Variants in TSTD1 observed in about 807,000 individuals in gnomAD.
The protein encoded by TSTD1 is thiosulfate sulfurtransferase like domain containing 1.
TSTD1 carries 7 observed loss-of-function variants against 12.6 expected under a neutral mutation model. The observed-to-expected ratio is 0.55, with a 90% CI of 0.32 to 1.04. The LOEUF (loss-of-function observed/expected upper bound fraction) is 1.04. Among genes scored for constraint, TSTD1 ranks in the 50% least tolerant of loss-of-function variants. The probability of loss-of-function intolerance (pLI) is 0.05; values close to 1 mark genes in which losing one functional copy is unlikely to be tolerated. For missense variants in TSTD1, 156 were observed against 151.0 expected, an observed-to-expected ratio of 1.03 and a Z score of -0.17; for synonymous variants, 73 against 59.7, an observed-to-expected ratio of 1.22 and a Z score of -1.03.
chr1:161,038,022 A>G lies in TSTD1; in HGVS notation c.187T>C (p.Tyr63His). Reference sequence around the variant, plus strand: ...TCCAGCTTTGGCTTCTCAGCAGAATATAAAGCCTGGAAGGCAGCTGGCTCC... The same window carrying G: ...TCCAGCTTTGGCTTCTCAGCAGAATGTAAAGCCTGGAAGGCAGCTGGCTCC... ...QMEPAAFQAL[Y>H]SAEKPKLEDE... is the part of the protein sequence containing the mutation. Residue 63 changes from tyrosine (Y) to histidine (H), a missense_variant, in exon 3 of 4, where the codon TAT (tyrosine) becomes CAT (histidine). By Grantham distance (83) the Tyr-to-His change is moderately conservative. Coordinates refer to ENST00000423014, the MANE Select transcript of TSTD1 (RefSeq NM_001113207.2). The G allele has an allele frequency of 1.9e-6, 3 of 1,551,720 alleles. No homozygotes were observed. In the South Asian group the frequency reaches 3.6e-5, roughly 18 times the overall value.
At position 161,037,726 on chromosome 1, in the gene TSTD1, G is replaced by C; in HGVS notation, c.*49C>G. The C allele has an allele frequency of 6.5e-7, 1 of 1,543,802 alleles. No homozygotes were observed. Among genetic ancestry groups the C allele is most frequent in the Non-Finnish European group, 8.8e-7 (1 of 1,139,926 alleles). On this transcript the variant is annotated 3_prime_UTR_variant, in exon 4 of 4. Coordinates refer to ENST00000423014, the MANE Select transcript of TSTD1 (RefSeq NM_001113207.2). ...TCAGCCCGTTCACACCCTTAGTTAA[G>C]GTGGCCATTAAGGGGCCAGGGGGTG...
At chr1:161,038,278 C>T in intron 2 of TSTD1, 1 of 681,894 alleles carries the variant, frequency 1.5e-6, no homozygotes, top group Non-Finnish European at 2.4e-6. Flanking sequence ...GGGCGGGATG[C>T]CCCCTCAGGC....
intron 2 of TSTD1, 164 bp downstream of exon 2, chr1:161,038,386 GC>G (rs1322499674): frequency 2.3e-6 from 2 of 870,676 alleles, no homozygotes; most frequent in Admixed American, 3.0e-5. Context: ...GCCAAGATCC[GC>G]CCCCCATCAG....
rs371114260 is a variant in TSTD1, at chr1:161,038,552, C to A, written c.132G>T (p.Pro44=). 3.2e-6 allele frequency: 5 copies of A among 1,540,942 alleles called. No individual in the cohort carries two copies. Among genetic ancestry groups the A allele is most frequent in the Non-Finnish European group, 3.5e-6 (4 of 1,138,698 alleles). The change falls in exon 2 of 4, where the codon CCG becomes CCT. Residue 44 remains proline (P), a splice_region_variant and synonymous_variant. Transcript: ENST00000423014. ...GGGCGTCCCCTCTCCACCCTATACC[C>A]GGGATGTTGAGCGCCCCTGGGATGG... The part of the protein sequence containing the change: ...AGTIPGALNI[P]VSELESALQM...
intron 3 of TSTD1, 40 bp from the exon 4 acceptor site, chr1:161,037,866 C>T (rs1318967282): frequency 6.4e-7 from 1 of 1,551,798 alleles, no homozygotes; most frequent in Non-Finnish European, 8.7e-7. Flanking sequence ...ACAGGAATGA[C>T]AGGCAGTCCC....
chr1:161,038,944 C>G lies in TSTD1; in HGVS notation c.-55G>C. The G allele has an allele frequency of 6.5e-7, 1 of 1,547,308 alleles. No individual in the cohort carries two copies. The highest frequency in any genetic ancestry group is 8.7e-7 in the Non-Finnish European group (1 of 1,143,640). On this transcript the variant is annotated 5_prime_UTR_variant, in exon 1 of 4. Transcript: ENST00000423014. ...GTGCGGCCCTGGCCCGCCCTCTCGG[C>G]GCCTGCAACATCTCCCGTTCCCTCC...
At chr1:161,038,457 C>T in intron 2 of TSTD1, 94 bp downstream of exon 2, 1 of 1,388,548 alleles carries the variant, frequency 7.2e-7, no homozygotes, top group Non-Finnish European at 9.6e-7. Context: ...TAATCAGTGC[C>T]TTCCCCATTC....
intron 2 of TSTD1, 180 bp from the exon 3 acceptor site, chr1:161,038,255 C>T (rs1650311173): frequency 1.4e-6 from 1 of 722,970 alleles, no homozygotes; most frequent in Non-Finnish European, 2.2e-6. Context: ...ACTCCCTAAG[C>T]TGTGAGGAGG....
intron 2 of TSTD1, 21 bp from the exon 3 acceptor site, chr1:161,038,096 G>A: frequency 6.5e-7 from 1 of 1,545,884 alleles, no homozygotes; most frequent in African/African-American, 1.4e-5. Flanking sequence ...GGAGAGGGTA[G>A]AAGGGAAAGC....
rs772397771 is a variant in TSTD1, at chr1:161,038,436, C to T, written c.133+115G>A. ...AGCTGAGGGCTGGCTCCCGGGAATGCAGGACCCCCATAATCAGTGCCTTCC... is the reference window on the plus strand; with the variant it reads ...AGCTGAGGGCTGGCTCCCGGGAATGTAGGACCCCCATAATCAGTGCCTTCC... On this transcript the variant is annotated intron_variant, in intron 2 of 3. Transcript: ENST00000423014. The T allele has an allele frequency of 5.3e-4, 680 of 1,272,152 alleles. 1 individual carries two copies. Among genetic ancestry groups the T allele is most frequent in the Non-Finnish European group, 6.8e-4 (644 of 946,492 alleles). The allele number at this position is 1,272,152 out of a possible 1,614,324, so 78.8% of individuals were successfully genotyped here.
In TSTD1 at chr1:161,037,632, T is replaced by C; in HGVS notation, c.*143A>G. 1.1e-6 allele frequency: 1 copy of C among 907,274 alleles called. No homozygotes were observed. The highest frequency in any genetic ancestry group is 1.7e-6 in the Non-Finnish European group (1 of 597,140). 56.2% of individuals were successfully genotyped at this position (907,274 alleles called of 1,614,324 possible). On this transcript the variant is annotated 3_prime_UTR_variant, in exon 4 of 4. Coordinates refer to ENST00000423014, the MANE Select transcript of TSTD1 (RefSeq NM_001113207.2). ...TGACACATTAAGTGCTTCCAATACT[T>C]TGATTAAATGTTCTTTATTTGATGC... is the stretch of plus-strand genomic sequence containing the variant.
At chr1:161,038,133 G>GCCTC in intron 2 of TSTD1, 58 bp from the exon 3 acceptor site, 1 of 1,522,864 alleles carries the variant, frequency 6.6e-7, no homozygotes. Flanking sequence ...AGGTTCGGAA[G>GCCTC]CTGGGCCTGG....
intron 1 of TSTD1, 26 bp downstream of exon 1, chr1:161,038,854 C>T: frequency 6.5e-7 from 1 of 1,548,772 alleles, no homozygotes; most frequent in Non-Finnish European, 8.7e-7. Context: ...AAGAGAACCG[C>T]GGCCCCAGGA....
At chr1:161,038,409 G>T in intron 2 of TSTD1, 142 bp downstream of exon 2, 1 of 1,049,566 alleles carries the variant, frequency 9.5e-7, no homozygotes, top group Admixed American at 3.0e-5. Flanking sequence ...CCTTCCTACG[G>T]AAGCTGAGGG....
chr1:161,037,788 T>A lies in TSTD1; in HGVS notation c.335A>T (p.Glu112Val). The A allele has an allele frequency of 6.4e-7, 1 of 1,551,732 alleles. No individual in the cohort carries two copies. Among genetic ancestry groups the A allele is most frequent in the Non-Finnish European group, 8.7e-7 (1 of 1,147,008 alleles). ...NYAGAYREWL[E>V]KES ...GCTGCCTCCTGCCTAACTCTCTTTCTCCAACCATTCTCTATAGGCTCCAGC... is the reference window on the plus strand; with the variant it reads ...GCTGCCTCCTGCCTAACTCTCTTTCACCAACCATTCTCTATAGGCTCCAGC... The change falls in exon 4 of 4, where the codon GAG becomes GTG. Residue 112 changes from glutamate (E) to valine (V), a missense_variant. Transcript: ENST00000423014.
intron 2 of TSTD1, 176 bp from the exon 3 acceptor site, chr1:161,038,251 TA>T: frequency 1.4e-6 from 1 of 731,564 alleles, no homozygotes; most frequent in Non-Finnish European, 2.2e-6. Flanking sequence ...AGCCACTCCC[TA>T]AGCTGTGAGG....
Position 161,038,677 on chromosome 1 carries a change from A to G in TSTD1, c.11-4T>C. ...TCAGGAAGCGAGACCGTGGGCGCTG[A>G]GGAAGGGGCGCGACAGCCTTCAGGA... On this transcript the variant is annotated splice_region_variant and splice_polypyrimidine_tract_variant and intron_variant, in intron 1 of 3. Coordinates refer to ENST00000423014, the MANE Select transcript of TSTD1 (RefSeq NM_001113207.2). The G allele has an allele frequency of 6.5e-7, 1 of 1,542,676 alleles. No homozygotes were observed. The highest frequency in any genetic ancestry group is 2.0e-5 in the Admixed American group (1 of 50,834).
chr1:161,038,483 C>A, intron 2 of TSTD1, 68 bp downstream of exon 2: 1 of 1,450,176 alleles, frequency 6.9e-7, no homozygotes. Context: ...TAAATGAGGT[C>A]CCATTGGCAA....
Position 161,037,656 on chromosome 1 carries a change from G to T in TSTD1, c.*119C>A. On this transcript the variant is annotated 3_prime_UTR_variant, in exon 4 of 4. Coordinates refer to ENST00000423014, the MANE Select transcript of TSTD1 (RefSeq NM_001113207.2). ...TTTGATTAAATGTTCTTTATTTGAT[G>T]CTTTTGTGTGCACAACACTATAAGG... The T allele has an allele frequency of 9.5e-7, 1 of 1,057,722 alleles. No homozygotes were observed. The highest frequency in any genetic ancestry group is 1.4e-6 in the Non-Finnish European group (1 of 719,838). 65.5% of individuals were successfully genotyped at this position (1,057,722 alleles called of 1,614,324 possible). A position where few individuals can be genotyped will look rare whatever the true frequency, so the allele number is the denominator to read the frequency against.
Sources: gnomAD v4.1 joint callset for allele counts on GRCh38, gnomAD v4.1.1 for gene constraint, MANE v1.5 for transcripts, NCBI Gene and HGNC (gene_info 2026-07-23, HGNC 2026-07-21) for gene names.